Variants in TENM3 observed in about 807,000 individuals in gnomAD.
The protein encoded by TENM3 is teneurin transmembrane protein 3.
A neutral mutation model predicts 255.1 loss-of-function variants in TENM3; 63 were observed. That is an observed-to-expected ratio of 0.25 (90% CI 0.20 to 0.30). TENM3 has a LOEUF of 0.30. Ranked by LOEUF, TENM3 falls within the 10% of genes least tolerant of loss-of-function variation. The pLI is 1.00. For missense variants in TENM3, 2,929 were observed against 3,461.1 expected, an observed-to-expected ratio of 0.85 and a Z score of 3.86; for synonymous variants, 1,306 against 1,322.3, an observed-to-expected ratio of 0.99 and a Z score of 0.27.
chr4:182,600,695 G>T (rs946436568), intron 3 of TENM3, among the ~76,000 whole-genome samples: 1 of 151,944 alleles, frequency 6.6e-6, no homozygotes. Context: ...TTTGCCATCT[G>T]TTGTGTATTA....
intron 3 of TENM3, among the ~76,000 whole-genome samples, chr4:182,444,462 A>T (rs1231998813): frequency 2.0e-5 from 3 of 152,202 alleles, no homozygotes; most frequent in Non-Finnish European, 4.4e-5. Flanking sequence ...ATAATTTTTA[A>T]GAGTCAGTCT....
chr4:181,682,761 A>G, the TENM3 span, among the ~76,000 whole-genome samples: 93 of 152,186 alleles, frequency 6.1e-4, 1 homozygote, highest in African/African-American at 2.0e-3. Context: ...GAAGAGGGAA[A>G]ATGAGCACAA....
At chr4:181,538,255 C>T in the TENM3 span, among the ~76,000 whole-genome samples, 13 of 152,244 alleles carry the variant, frequency 8.5e-5, no homozygotes, top group Admixed American at 2.6e-4. Context: ...ACAATACGAT[C>T]GGTACTTGGC....
chr4:182,616,592 AGAT>A (rs147581104), intron 4 of TENM3, among the ~76,000 whole-genome samples: 26,678 of 142,300 alleles, frequency 0.19, 3,123 homozygotes, highest in Non-Finnish European at 0.26. Flanking sequence ...AAAAAAAAAA[AGAT>A]AGGTAACTGC....
the TENM3 span, among the ~76,000 whole-genome samples, chr4:181,658,897 G>T: frequency 7.2e-5 from 11 of 152,134 alleles, no homozygotes; most frequent in African/African-American, 2.7e-4. Flanking sequence ...GACCCAAAGC[G>T]TGCGCCTATA....
the TENM3 span, among the ~76,000 whole-genome samples, chr4:181,756,610 A>G: frequency 1.3e-5 from 2 of 152,336 alleles, no homozygotes; most frequent in African/African-American, 4.8e-5. Context: ...GTGACAGCCA[A>G]GTGGCACTGA....
At chr4:182,059,748 AAAAAAAAAAAAAAAG>A in the TENM3 span, among the ~76,000 whole-genome samples, 110 of 133,052 alleles carry the variant, frequency 8.3e-4, no homozygotes, top group Middle Eastern at 7.2e-3. Context: ...GTCTCTACAA[AAAAAAAAAAAAAAAG>A]AAAAAAAAAA....
chr4:182,576,545 T>C (rs1406041336), intron 3 of TENM3, among the ~76,000 whole-genome samples: 1 of 152,246 alleles, frequency 6.6e-6, no homozygotes, highest in East Asian at 1.9e-4. Context: ...TTTTAAAAGA[T>C]GAAAGATACT....
intron 3 of TENM3, among the ~76,000 whole-genome samples, chr4:182,388,391 T>A (rs953858680): frequency 6.6e-5 from 10 of 152,196 alleles, no homozygotes; most frequent in African/African-American, 2.4e-4. Context: ...TACACCCACT[T>A]CTTCAACAGT....
chr4:182,369,247 A>T lies in TENM3; in HGVS notation c.511+22318A>T, dbSNP rs890829849. 2.0e-5 allele frequency among the ~76,000 whole-genome samples: 3 copies of T among 152,336 alleles called. No homozygotes were observed. The East Asian group carries it at 5.8e-4, about 29-fold the overall frequency. ...AACACTTATTATGTTTAATCTTTTC[A>T]ACTACCCTCTGAGATTAGTAGTATT... On this transcript the variant is annotated intron_variant, in intron 3 of 27. Transcript: ENST00000511685.
chr4:182,066,726 C>T, the TENM3 span, among the ~76,000 whole-genome samples: 300 of 151,710 alleles, frequency 2.0e-3, 1 homozygote, highest in South Asian at 8.1e-3. Context: ...CTGGCTAACA[C>T]CATGAAACCC....
chr4:182,452,083 T>C lies in TENM3; in HGVS notation c.511+105154T>C, dbSNP rs373516951. On this transcript the variant is annotated intron_variant, in intron 3 of 27. Transcript: ENST00000511685. ...TTATGGATTTCTTACTCTGTGAAAA[T>C]CTATATGTATACATGCACACATACA... Among the ~76,000 whole-genome samples the C allele has an allele frequency of 1.4e-4, 22 of 152,328 alleles. 1 individual carries two copies. In the East Asian group the frequency reaches 2.9e-3, roughly 20 times the overall value.
the TENM3 span, among the ~76,000 whole-genome samples, chr4:181,570,879 C>G: frequency 2.0e-5 from 3 of 152,184 alleles, no homozygotes; most frequent in Non-Finnish European, 4.4e-5. Flanking sequence ...CTCAAGCCTC[C>G]GTGAAGTTCT....
chr4:181,982,392 G>A, the TENM3 span, among the ~76,000 whole-genome samples: 2 of 152,136 alleles, frequency 1.3e-5, no homozygotes, highest in Non-Finnish European at 2.9e-5. Context: ...CCTTTGGGAG[G>A]CGGATGTACA....
the TENM3 span, among the ~76,000 whole-genome samples, chr4:181,851,246 T>C: frequency 3.3e-5 from 5 of 152,202 alleles, no homozygotes; most frequent in African/African-American, 1.2e-4. Flanking sequence ...ACCCACCTAC[T>C]TGCAGGTTCC....
intron 1 of TENM3, among the ~76,000 whole-genome samples, chr4:182,270,238 C>A (rs561521697): frequency 6.6e-6 from 1 of 152,228 alleles, no homozygotes; most frequent in African/African-American, 2.4e-5. Flanking sequence ...AGATCCTAAT[C>A]CCAGCTGTAT....
chr4:182,528,141 A>G (rs1739408236), intron 3 of TENM3, among the ~76,000 whole-genome samples: 1 of 151,908 alleles, frequency 6.6e-6, no homozygotes. Flanking sequence ...ATTTTTTGAG[A>G]CAGTCTCACT....
chr4:181,640,332 A>G, the TENM3 span, among the ~76,000 whole-genome samples: 10 of 152,368 alleles, frequency 6.6e-5, no homozygotes, highest in Middle Eastern at 6.8e-3. Flanking sequence ...CATCCTAACA[A>G]AAGAAGCAAC....
intron 3 of TENM3, among the ~76,000 whole-genome samples, chr4:182,451,343 G>A (rs1437781730): frequency 6.6e-6 from 1 of 152,110 alleles, no homozygotes; most frequent in East Asian, 1.9e-4. Flanking sequence ...TTCTACTGAT[G>A]TCTGAACACT....
Sources: allele counts gnomAD v4.1 joint callset (sites outside exome capture counted in the v4.1 genomes callset), GRCh38; gene constraint gnomAD v4.1.1; transcripts MANE v1.5; gene names NCBI Gene and HGNC (gene_info 2026-07-23, HGNC 2026-07-21).